TAFA5: variants seen among roughly 807,000 people sequenced by gnomAD.
TAFA5 encodes the protein chemokine-like protein TAFA-5.
In TAFA5, 6 loss-of-function variants were observed where a neutral mutation model predicts 15.3. That is an observed-to-expected ratio of 0.39 (90% CI 0.21 to 0.77). TAFA5 has a LOEUF of 0.77. Among genes scored for constraint, TAFA5 ranks in the 30% least tolerant of loss-of-function variants. The pLI is 0.41. For missense variants in TAFA5, 161 were observed against 193.1 expected (o/e 0.83, Z 0.98); for synonymous variants, 103 against 80.7 (o/e 1.28, Z -1.48).
chr22:48,665,578 A>C (rs1256571371), intron 2 of TAFA5, among the ~76,000 whole-genome samples: 1 of 152,120 alleles, frequency 6.6e-6, no homozygotes, highest in Non-Finnish European at 1.5e-5. Context: ...ATGGATCTCA[A>C]GGCACATTTT....
At chr22:48,569,186 C>T (rs533208106) in intron 1 of TAFA5, among the ~76,000 whole-genome samples, 7 of 152,214 alleles carry the variant, frequency 4.6e-5, no homozygotes, top group East Asian at 3.9e-4. Flanking sequence ...TGCAGGTGGC[C>T]GCAGTTACTC....
intron 2 of TAFA5, among the ~76,000 whole-genome samples, chr22:48,699,105 G>T (rs1336115764): frequency 6.6e-6 from 1 of 151,942 alleles, no homozygotes; most frequent in Non-Finnish European, 1.5e-5. Context: ...GCTAATTTTT[G>T]TATTTTTAGT....
chr22:48,596,005 T>C (rs1924752516), intron 1 of TAFA5, among the ~76,000 whole-genome samples: 1 of 152,258 alleles, frequency 6.6e-6, no homozygotes, highest in Non-Finnish European at 1.5e-5. Context: ...ACTGTTTAAA[T>C]CTTAACTTTT....
intron 1 of TAFA5, among the ~76,000 whole-genome samples, chr22:48,583,426 C>CAT (rs1349642028): frequency 6.7e-6 from 1 of 149,986 alleles, no homozygotes; most frequent in Non-Finnish European, 1.5e-5. Context: ...CACACACACA[C>CAT]CACACACACA....
Position 48,742,466 on chromosome 22 carries a change from C to G in TAFA5, c.391-7373C>G, listed in dbSNP as rs550286602. Among the ~76,000 whole-genome samples, 1 of 152,116 alleles carries G rather than the reference C, an allele frequency of 6.6e-6. No homozygotes were observed. The highest frequency in any genetic ancestry group is 2.4e-5 in the African/African-American group (1 of 41,412). The stretch of plus-strand genomic sequence containing the variant: ...GGGTGGAGCGGGTGGTGCTGTGTGG[C>G]GGAGCTGGCGGCGCAGTGGAGCGGG... On this transcript the variant is annotated intron_variant, in intron 3 of 3. Transcript: ENST00000402357. This position sits in a 1 kb window ranked among gnomAD's most constrained non-coding sequence, Gnocchi z 6.2.
At position 48,691,635 on chromosome 22, in the gene TAFA5, C is replaced by T. The variant is rs188827069; in HGVS notation, c.263-16082C>T. ...GCTCTTCTTCTGCCCCTGCTGCAGG[C>T]GCTCAGTCCTGCCATAATCTGGGAG... On this transcript the variant is annotated intron_variant, in intron 2 of 3. Coordinates refer to ENST00000402357, the MANE Select transcript of TAFA5 (RefSeq NM_001082967.3). Among the ~76,000 whole-genome samples the T allele has an allele frequency of 5.4e-3, 829 of 152,338 alleles. 7 individuals are homozygous for T. Among genetic ancestry groups the T allele is most frequent in the African/African-American group, 0.019 (780 of 41,596 alleles).
intron 1 of TAFA5, among the ~76,000 whole-genome samples, chr22:48,640,105 G>A (rs904503189): frequency 6.6e-6 from 1 of 152,264 alleles, no homozygotes; most frequent in Non-Finnish European, 1.5e-5. Flanking sequence ...CAGTGCAGCA[G>A]ATGGGGCCGG....
intron 2 of TAFA5, among the ~76,000 whole-genome samples, chr22:48,657,398 A>G (rs74467914): frequency 1.3e-5 from 2 of 152,346 alleles, no homozygotes; most frequent in East Asian, 3.9e-4. Context: ...AAACTTCCCA[A>G]CAAGAAAAGC....
chr22:48,517,778 C>CTGCCG (rs1234291031), intron 1 of TAFA5, among the ~76,000 whole-genome samples: 1 of 152,134 alleles, frequency 6.6e-6, no homozygotes, highest in Non-Finnish European at 1.5e-5. Flanking sequence ...GGGGCCACCT[C>CTGCCG]TGCCGTGCCG....
chr22:48,691,758 G>C (rs977251406), intron 2 of TAFA5, among the ~76,000 whole-genome samples: 12 of 152,224 alleles, frequency 7.9e-5, no homozygotes, highest in African/African-American at 2.9e-4. Flanking sequence ...CTCTGTGCTG[G>C]GCACATCCGG....
intron 1 of TAFA5, among the ~76,000 whole-genome samples, chr22:48,539,893 CA>C (rs1922300899): frequency 6.7e-6 from 1 of 150,064 alleles, no homozygotes; most frequent in African/African-American, 2.5e-5. Context: ...CTGAAGGGGG[CA>C]GGGGTACAGG....
intron 3 of TAFA5, among the ~76,000 whole-genome samples, chr22:48,718,372 A>G (rs1255915685): frequency 2.6e-5 from 4 of 152,148 alleles, no homozygotes; most frequent in African/African-American, 9.7e-5. Context: ...GCCCCCAAGC[A>G]GGAAGGTGGT....
In TAFA5 at chr22:48,508,167, C is replaced by A. The variant is rs544318098; in HGVS notation, c.112+18463C>A. ...GTTTCTCTCTCAGGGAGGTGACTGT[C>A]TGTGTGGGGGCTGCACTGTTCAGCT... On this transcript the variant is annotated intron_variant, in intron 1 of 3. Transcript: ENST00000402357. Among the ~76,000 whole-genome samples the A allele has an allele frequency of 7.3e-5, 11 of 151,118 alleles. No individual in the cohort carries two copies. In the South Asian group the frequency reaches 2.3e-3, roughly 31 times the overall value.
intron 2 of TAFA5, among the ~76,000 whole-genome samples, chr22:48,649,917 C>T (rs1926993386): frequency 6.6e-6 from 1 of 152,170 alleles, no homozygotes; most frequent in Admixed American, 6.5e-5. Flanking sequence ...ACCACATTCA[C>T]TTTCCTCTCA....
intron 1 of TAFA5, among the ~76,000 whole-genome samples, chr22:48,600,722 C>A (rs1271402929): frequency 6.6e-6 from 1 of 152,224 alleles, no homozygotes; most frequent in Non-Finnish European, 1.5e-5. Flanking sequence ...GCCGCACGCC[C>A]TTCTGCGTAG....
At chr22:48,709,796 C>A (rs1206761140) in intron 3 of TAFA5, among the ~76,000 whole-genome samples, 4 of 152,196 alleles carry the variant, frequency 2.6e-5, no homozygotes, top group African/African-American at 9.6e-5. Context: ...GGTGGATAAG[C>A]AGGTCATCAC....
At position 48,552,214 on chromosome 22, in the gene TAFA5, A is replaced by G. The variant is rs981621171; in HGVS notation, c.112+62510A>G. On this transcript the variant is annotated intron_variant, in intron 1 of 3. Transcript: ENST00000402357. This position sits in a 1 kb window ranked among gnomAD's most constrained non-coding sequence, Gnocchi z 4.1. ...CTCACATGGCTCTTCTGCTGTGGAGAAGGGTCCACACTTGCCTCCTGTGGG... is the reference window on the plus strand; with the variant it reads ...CTCACATGGCTCTTCTGCTGTGGAGGAGGGTCCACACTTGCCTCCTGTGGG... Among the ~76,000 whole-genome samples, 6 of 151,860 alleles carry G rather than the reference A, an allele frequency of 4.0e-5. No homozygotes were observed. The highest frequency in any genetic ancestry group is 1.5e-4 in the African/African-American group (6 of 41,338).
At chr22:48,675,836 A>G (rs1038689392) in intron 2 of TAFA5, among the ~76,000 whole-genome samples, 1 of 152,214 alleles carries the variant, frequency 6.6e-6, no homozygotes, top group African/African-American at 2.4e-5. Flanking sequence ...TGCACACAGG[A>G]GTGCAGCCCT....
At chr22:48,547,541 C>A (rs1485333504) in intron 1 of TAFA5, among the ~76,000 whole-genome samples, 2 of 152,228 alleles carry the variant, frequency 1.3e-5, no homozygotes, top group African/African-American at 2.4e-5. Context: ...AGAGCTGAAG[C>A]AGCTGGGAGA....
Sources: gnomAD v4.1 joint callset for allele counts (sites outside exome capture counted in the v4.1 genomes callset) on GRCh38, gnomAD v4.1.1 for gene constraint, Gnocchi (gnomAD v3.1) non-coding constraint, MANE v1.5 for transcripts, NCBI Gene and HGNC (gene_info 2026-07-23, HGNC 2026-07-21) for gene names.